MDFIC2: variants seen among roughly 807,000 people sequenced by gnomAD.
The protein encoded by MDFIC2 is MyoD family inhibitor domain containing 2, also known as myoD family inhibitor domain-containing protein 2.
At chr3:70,209,502 A>G (rs1701321716) in intron 2 of MDFIC2, among the ~76,000 whole-genome samples, 1 of 152,082 alleles carries the variant, frequency 6.6e-6, no homozygotes, top group Non-Finnish European at 1.5e-5. Flanking sequence ...GCCTCCTTGA[A>G]CAGATGGGAA....
chr3:70,304,825 G>C (rs1466919710), intron 2 of MDFIC2, among the ~76,000 whole-genome samples: 1 of 152,108 alleles, frequency 6.6e-6, no homozygotes, highest in Non-Finnish European at 1.5e-5. Flanking sequence ...AAAATATCCA[G>C]ATTCCCAACT....
At chr3:70,214,328 CA>C (rs1213897195) in intron 2 of MDFIC2, among the ~76,000 whole-genome samples, 3 of 152,098 alleles carry the variant, frequency 2.0e-5, no homozygotes, top group Non-Finnish European at 4.4e-5. Flanking sequence ...TGTAGCACTT[CA>C]ACTAAAACCC....
At chr3:70,224,101 T>C (rs952947304) in intron 2 of MDFIC2, among the ~76,000 whole-genome samples, 5 of 152,144 alleles carry the variant, frequency 3.3e-5, no homozygotes, top group African/African-American at 1.2e-4. Flanking sequence ...AAAATCCAAA[T>C]CCCTGTGTGT....
intron 2 of MDFIC2, among the ~76,000 whole-genome samples, chr3:70,262,312 C>G (rs1276598788): frequency 6.6e-6 from 1 of 152,102 alleles, no homozygotes; most frequent in Admixed American, 6.6e-5. Flanking sequence ...GGAGCCAACG[C>G]AAAATAGAAA....
chr3:70,230,987 T>G (rs1396729080), intron 2 of MDFIC2, among the ~76,000 whole-genome samples: 1 of 152,232 alleles, frequency 6.6e-6, no homozygotes, highest in Non-Finnish European at 1.5e-5. Flanking sequence ...TCCAGGATGC[T>G]GCACTGACCC....
intron 2 of MDFIC2, among the ~76,000 whole-genome samples, chr3:70,254,163 G>A (rs912487026): frequency 2.7e-5 from 4 of 150,160 alleles, no homozygotes; most frequent in Non-Finnish European, 5.9e-5. Context: ...AAAAAAAATT[G>A]TATGCTAACT....
At chr3:70,281,832 G>A (rs1336938240) in intron 2 of MDFIC2, among the ~76,000 whole-genome samples, 1 of 152,130 alleles carries the variant, frequency 6.6e-6, no homozygotes, top group Non-Finnish European at 1.5e-5. Context: ...TGTTTACAAT[G>A]CAAATTCTTT....
chr3:70,292,019 GAATA>G (rs1468541354), intron 2 of MDFIC2: 9 of 152,256 alleles, frequency 5.9e-5, no homozygotes, highest in Non-Finnish European at 4.4e-5. Flanking sequence ...TTTCAAAGCT[GAATA>G]AATAGTCTCT....
At chr3:70,271,428 A>G (rs552478032) in intron 2 of MDFIC2, among the ~76,000 whole-genome samples, 73 of 152,216 alleles carry the variant, frequency 4.8e-4, no homozygotes, top group Non-Finnish European at 8.1e-4. Flanking sequence ...CAGATTCAGT[A>G]TCATCAAATC....
chr3:70,205,792 G>T (rs1049036970), intron 3 of MDFIC2: 1 of 152,008 alleles, frequency 6.6e-6, no homozygotes, highest in African/African-American at 2.4e-5. Context: ...ACCATACCTT[G>T]TTACATTTTC....
chr3:70,291,814 A>G lies in MDFIC2; in HGVS notation c.88+20072T>C, dbSNP rs1232794154. On this transcript the variant is annotated intron_variant, in intron 2 of 3. Transcript: ENST00000567252. The stretch of plus-strand genomic sequence containing the variant: ...ATTTTGAATAATACATTGTCTTTTT[A>G]ATGCTCTTCTTTCAAGATGTGCTGT... 2.0e-5 allele frequency: 3 copies of G among 152,178 alleles called. No homozygotes were observed. In the East Asian group the frequency reaches 5.8e-4, roughly 29 times the overall value. 9.4% of individuals were successfully genotyped at this position (152,178 alleles called of 1,614,324 possible). A position where few individuals can be genotyped will look rare whatever the true frequency, so the allele number is the denominator to read the frequency against.
chr3:70,234,254 T>G (rs1357227927), intron 2 of MDFIC2, among the ~76,000 whole-genome samples: 1 of 152,220 alleles, frequency 6.6e-6, no homozygotes, highest in African/African-American at 2.4e-5. Flanking sequence ...ATACATTTGT[T>G]TATTTTTTAA....
At chr3:70,273,422 T>G (rs1293889159) in intron 2 of MDFIC2, among the ~76,000 whole-genome samples, 2 of 152,212 alleles carry the variant, frequency 1.3e-5, no homozygotes, top group Non-Finnish European at 2.9e-5. Context: ...GATCACAGAA[T>G]TGTTTCTCTC....
chr3:70,303,295 T>G (rs563100398), intron 2 of MDFIC2, among the ~76,000 whole-genome samples: 1 of 152,268 alleles, frequency 6.6e-6, no homozygotes, highest in East Asian at 1.9e-4. Flanking sequence ...TGTAGCATTA[T>G]GGTGCTGGCA....
chr3:70,225,205 G>A (rs1034244350), intron 2 of MDFIC2, among the ~76,000 whole-genome samples: 6 of 152,048 alleles, frequency 3.9e-5, no homozygotes, highest in Non-Finnish European at 8.8e-5. Flanking sequence ...TTATTTTTTG[G>A]TTTAATAAGA....
intron 2 of MDFIC2, among the ~76,000 whole-genome samples, chr3:70,211,347 G>GCCCTT (rs1288857996): frequency 3.2e-4 from 1 of 3,148 alleles, no homozygotes; most frequent in African/African-American, 4.9e-4. Flanking sequence ...CCTTCCTTTT[G>GCCCTT]CCCTTCCCTT....
In MDFIC2 at chr3:70,250,389, G is replaced by A. The variant is rs1450971847; in HGVS notation, c.89-43599C>T. Among the ~76,000 whole-genome samples, 14 of 146,234 alleles carry A rather than the reference G, an allele frequency of 9.6e-5. No individual in the cohort carries two copies. The Admixed American group carries it at 9.6e-4, about 10-fold the overall frequency. ...GTTTTTATTGTTATTGACAATATTC[G>A]GTATTTTTCTTTTAATGAATCTCAC... is the stretch of plus-strand genomic sequence containing the variant. On this transcript the variant is annotated intron_variant, in intron 2 of 3. Coordinates refer to ENST00000567252, the MANE Select transcript of MDFIC2 (RefSeq NM_001364677.1).
At chr3:70,209,659 G>A (rs573621426) in intron 2 of MDFIC2, among the ~76,000 whole-genome samples, 1 of 152,148 alleles carries the variant, frequency 6.6e-6, no homozygotes, top group South Asian at 2.1e-4. Context: ...CAAAAGCTTT[G>A]TGCTTGTCCT....
At chr3:70,292,352 T>G (rs1448322693) in intron 2 of MDFIC2, among the ~76,000 whole-genome samples, 2 of 152,162 alleles carry the variant, frequency 1.3e-5, no homozygotes, top group African/African-American at 2.4e-5. Flanking sequence ...ACTATACATA[T>G]CTTGTTGGCC....
Sources: gnomAD v4.1 joint callset for allele counts (sites outside exome capture counted in the v4.1 genomes callset) on GRCh38, gnomAD v4.1.1 for gene constraint, MANE v1.5 for transcripts, NCBI Gene and HGNC (gene_info 2026-07-23, HGNC 2026-07-21) for gene names.